The following UVRAG variants were observed in gnomAD, a reference collection of about 807,000 sequenced individuals.
UVRAG encodes UV radiation resistance associated.
A neutral mutation model predicts 78.0 loss-of-function variants in UVRAG; 19 were observed. The observed-to-expected ratio is 0.24, with a 90% CI of 0.17 to 0.36. The LOEUF is 0.36. Among genes scored for constraint, UVRAG ranks in the 10% least tolerant of loss-of-function variants. The pLI, the probability that UVRAG is intolerant of heterozygous loss-of-function variation, is 1.00. For missense variants in UVRAG, 740 were observed against 853.8 expected (o/e 0.87, Z 1.66); for synonymous variants, 323 against 324.6 (o/e 1.00, Z 0.05).
At chr11:76,064,322 C>T (rs1026602616) in intron 12 of UVRAG, among the ~76,000 whole-genome samples, 1 of 152,132 alleles carries the variant, frequency 6.6e-6, no homozygotes, top group Non-Finnish European at 1.5e-5. Flanking sequence ...TCTAAAGTGC[C>T]CCTGTTGGGT....
At chr11:76,060,626 G>A (rs187083975) in intron 12 of UVRAG, among the ~76,000 whole-genome samples, 46 of 152,344 alleles carry the variant, frequency 3.0e-4, no homozygotes, top group Non-Finnish European at 5.1e-4. Flanking sequence ...GGAGTTCCGG[G>A]TGGGCGTGGG....
intron 5 of UVRAG, among the ~76,000 whole-genome samples, chr11:75,910,353 C>T (rs190147916): frequency 1.2e-4 from 18 of 152,204 alleles, no homozygotes; most frequent in African/African-American, 4.1e-4. Context: ...CTCCATATTA[C>T]AGATGAAGAA....
At chr11:76,018,535 A>T (rs995317024) in intron 12 of UVRAG, among the ~76,000 whole-genome samples, 10 of 152,060 alleles carry the variant, frequency 6.6e-5, no homozygotes, top group Admixed American at 4.6e-4. Context: ...CAGCCTCCCG[A>T]GTAGCTGGGA....
intron 12 of UVRAG, among the ~76,000 whole-genome samples, chr11:76,060,217 T>TA (rs1639078190): frequency 6.6e-6 from 1 of 152,204 alleles, no homozygotes; most frequent in Admixed American, 6.5e-5. Context: ...TGTGAATTAG[T>TA]AAAAAAGAAA....
rs1352990029 is a variant in UVRAG at position 75,865,663 on chromosome 11, G to A, written c.270+3883G>A. ...TTGTCTTGCTCTTGTCGCCCAGGCT[G>A]GGGTGCAGTGGCACGATCTCGGCTC... On this transcript the variant is annotated intron_variant, in intron 3 of 14. Coordinates refer to ENST00000356136, the MANE Select transcript of UVRAG (RefSeq NM_003369.4). Among the ~76,000 whole-genome samples the A allele has an allele frequency of 2.0e-5, 3 of 150,956 alleles. No homozygotes were observed. In the East Asian group the frequency reaches 5.9e-4, roughly 30 times the overall value.
intron 14 of UVRAG, among the ~76,000 whole-genome samples, chr11:76,129,723 A>G (rs754941539): frequency 6.6e-5 from 10 of 151,964 alleles, no homozygotes; most frequent in Non-Finnish European, 8.8e-5. Context: ...CTGTTTGTCT[A>G]TGTCTGTACA....
At chr11:75,817,781 C>T (rs1414594100) in intron 1 of UVRAG, among the ~76,000 whole-genome samples, 5 of 151,772 alleles carry the variant, frequency 3.3e-5, no homozygotes, top group Non-Finnish European at 7.4e-5. Context: ...CAGTGGCTCA[C>T]ACCTGTAATC....
intron 1 of UVRAG, among the ~76,000 whole-genome samples, chr11:75,850,057 A>G (rs1744786426): frequency 7.6e-6 from 1 of 131,968 alleles, no homozygotes; most frequent in Admixed American, 6.9e-5. Flanking sequence ...GTGGCCTGCA[A>G]TCAGTCTGAT....
At chr11:75,918,650 G>C (rs1195648736) in intron 6 of UVRAG, among the ~76,000 whole-genome samples, 1 of 152,126 alleles carries the variant, frequency 6.6e-6, no homozygotes, top group Non-Finnish European at 1.5e-5. Context: ...CCCCCAAACT[G>C]AGAGCACCTT....
intron 8 of UVRAG, among the ~76,000 whole-genome samples, chr11:75,996,560 C>G (rs1466943422): frequency 6.6e-6 from 1 of 152,070 alleles, no homozygotes; most frequent in African/African-American, 2.4e-5. Flanking sequence ...TAGTATTGTT[C>G]TAACTAGGGG....
At chr11:75,946,829 G>C (rs768659734) in intron 6 of UVRAG, among the ~76,000 whole-genome samples, 1 of 152,162 alleles carries the variant, frequency 6.6e-6, no homozygotes, top group Non-Finnish European at 1.5e-5. Flanking sequence ...GGTTAGAGCA[G>C]ACCTACCGTC....
chr11:75,885,290 G>A (rs1039596378), intron 4 of UVRAG, among the ~76,000 whole-genome samples: 7 of 152,022 alleles, frequency 4.6e-5, no homozygotes, highest in Admixed American at 1.3e-4. Context: ...CCTAACTTGC[G>A]TGTTATGGAA....
At chr11:76,006,758 A>T (rs1466305392) in intron 9 of UVRAG, among the ~76,000 whole-genome samples, 1 of 151,514 alleles carries the variant, frequency 6.6e-6, no homozygotes, top group Non-Finnish European at 1.5e-5. Context: ...ACAGTCCAAC[A>T]TATTGGTTTT....
At chr11:76,008,669 A>G (rs1287963098) in intron 10 of UVRAG, 138 bp from the exon 11 acceptor site, 1 of 484,158 alleles carries the variant, frequency 2.1e-6, no homozygotes, top group East Asian at 3.1e-5. Context: ...CCATGTACTC[A>G]TCATCCAGCT....
intron 13 of UVRAG, among the ~76,000 whole-genome samples, chr11:76,095,870 C>CAAAAAAAAA (rs747792893): frequency 3.5e-4 from 16 of 45,972 alleles, no homozygotes; most frequent in Admixed American, 1.8e-3. Context: ...GACTCTGTCT[C>CAAAAAAAAA]AAAAAAAAAA....
intron 5 of UVRAG, chr11:75,892,222 C>T (rs1947227392): frequency 2.0e-6 from 1 of 493,152 alleles, no homozygotes; most frequent in African/African-American, 2.1e-5. Context: ...AGAATTAAGC[C>T]AGTCACACAC....
intron 7 of UVRAG, among the ~76,000 whole-genome samples, chr11:75,974,331 GTTGGCTGCATAAATGTCTTCT>G (rs1283527147): frequency 8.6e-5 from 12 of 139,480 alleles, no homozygotes; most frequent in Non-Finnish European, 1.4e-4. Flanking sequence ...TAATGTGTCT[GTTGGCTGCATAAATGTCTTCT>G]TTTTTTTTTT....
Position 75,815,320 on chromosome 11 carries a change from C to T in UVRAG, c.-88C>T, listed in dbSNP as rs1951684898. 1.5e-6 allele frequency: 1 copy of T among 686,780 alleles called. No homozygotes were observed. The highest frequency in any genetic ancestry group is 2.1e-6 in the Non-Finnish European group (1 of 483,554). 42.5% of individuals were successfully genotyped at this position (686,780 alleles called of 1,614,324 possible). A position where few individuals can be genotyped will look rare whatever the true frequency, so the allele number is the denominator to read the frequency against. ...GCCTCTCGGGTGGCGGGTTTCTAGG[C>T]TGCAGGGGCTTGGTAGGTGGTGGCA... On this transcript the variant is annotated 5_prime_UTR_variant, in exon 1 of 15. Transcript: ENST00000356136.
rs1952748899 is a variant in UVRAG, at chr11:76,142,948, G to A, written c.*1535G>A. The A allele has an allele frequency of 6.6e-6, 1 of 152,212 alleles. No homozygotes were observed. The allele number at this position is 152,212 out of a possible 1,614,324, so 9.4% of individuals were successfully genotyped here. On this transcript the variant is annotated 3_prime_UTR_variant, in exon 15 of 15. Coordinates refer to ENST00000356136, the MANE Select transcript of UVRAG (RefSeq NM_003369.4). Reference sequence around the variant, plus strand: ...TAGCTACATTGTTGTTTTCCATGTAGAGAACTCACAGGATGACTACATCAC... The same window carrying A: ...TAGCTACATTGTTGTTTTCCATGTAAAGAACTCACAGGATGACTACATCAC...
Sources: gnomAD v4.1 joint callset for allele counts (sites outside exome capture counted in the v4.1 genomes callset) on GRCh38, gnomAD v4.1.1 for gene constraint, MANE v1.5 for transcripts, NCBI Gene and HGNC (gene_info 2026-07-23, HGNC 2026-07-21) for gene names.